GRIP1: variants seen among roughly 807,000 people sequenced by gnomAD.
The protein encoded by GRIP1 is glutamate receptor interacting protein 1.
Under a neutral mutation model 129.9 loss-of-function variants are expected in GRIP1, and 45 were observed. The observed-to-expected ratio is 0.35, with a 90% CI of 0.27 to 0.44. GRIP1 has a LOEUF of 0.44. Among genes scored for constraint, GRIP1 ranks in the 20% least tolerant of loss-of-function variants. The probability of loss-of-function intolerance (pLI) is 1.00; values close to 1 mark genes in which losing one functional copy is unlikely to be tolerated. For synonymous variants in GRIP1, 530 were observed against 520.8 expected (o/e 1.02, Z -0.24); for missense variants, 1,196 against 1,396.8 (o/e 0.86, Z 2.29).
At chr12:67,031,589 G>A (rs187237443) in intron 1 of GRIP1, among the ~76,000 whole-genome samples, 3 of 152,004 alleles carry the variant, frequency 2.0e-5, no homozygotes, top group East Asian at 3.9e-4. Flanking sequence ...ATAATTTACC[G>A]CACACTCCAC....
At position 66,846,246 on chromosome 12, in the gene GRIP1, T is replaced by C. The variant is rs549031330; in HGVS notation, c.58+222804A>G. The stretch of plus-strand genomic sequence containing the variant: ...GTTCTAAACTGTACATTTGATTGTC[T>C]CCTTGACATTTTCCCTTGAACATCT... On this transcript the variant is annotated intron_variant, in intron 1 of 1. Transcript: ENST00000643019. Among the ~76,000 whole-genome samples, 8 of 152,338 alleles carry C rather than the reference T, an allele frequency of 5.3e-5. No individual in the cohort carries two copies. In the South Asian group the frequency reaches 1.7e-3, roughly 32 times the overall value.
chr12:66,812,387 G>A (rs1181014719), intron 1 of GRIP1, among the ~76,000 whole-genome samples: 8 of 152,152 alleles, frequency 5.3e-5, no homozygotes, highest in Admixed American at 3.3e-4. Flanking sequence ...CGCCTGCCTC[G>A]GCCTCCCGAA....
At chr12:66,655,564 C>T (rs1329109780) in intron 1 of GRIP1, among the ~76,000 whole-genome samples, 1 of 151,036 alleles carries the variant, frequency 6.6e-6, no homozygotes, top group African/African-American at 2.4e-5. Flanking sequence ...TATAATGACA[C>T]GTATCCACCA....
intron 1 of GRIP1, among the ~76,000 whole-genome samples, chr12:66,838,752 T>A (rs2039662534): frequency 6.6e-6 from 1 of 152,060 alleles, no homozygotes; most frequent in Non-Finnish European, 1.5e-5. Flanking sequence ...CAGTGGTGAC[T>A]GGGCAAGAGA....
At chr12:66,730,554 A>C (rs2036400069) in intron 1 of GRIP1, among the ~76,000 whole-genome samples, 1 of 152,158 alleles carries the variant, frequency 6.6e-6, no homozygotes, top group Non-Finnish European at 1.5e-5. Flanking sequence ...AATTTCAAAA[A>C]TATATGTGAA....
intron 1 of GRIP1, among the ~76,000 whole-genome samples, chr12:67,032,956 T>C (rs1197917204): frequency 2.0e-5 from 3 of 152,124 alleles, no homozygotes; most frequent in Non-Finnish European, 4.4e-5. Flanking sequence ...TAATTTACAT[T>C]ATTTTTTCTT....
At chr12:66,481,264 A>G (rs1228640306) in intron 7 of GRIP1, among the ~76,000 whole-genome samples, 1 of 134,720 alleles carries the variant, frequency 7.4e-6, no homozygotes, top group Non-Finnish European at 1.7e-5. Context: ...AAAAAAAAGC[A>G]ACCCCATCAA....
At chr12:66,671,494 G>A (rs551868285) in intron 1 of GRIP1, among the ~76,000 whole-genome samples, 2 of 151,646 alleles carry the variant, frequency 1.3e-5, no homozygotes, top group Admixed American at 6.6e-5. Flanking sequence ...CCATGACCCC[G>A]CCCTCCACCC....
At chr12:66,822,672 TA>T (rs1362563618) in intron 1 of GRIP1, among the ~76,000 whole-genome samples, 4 of 152,012 alleles carry the variant, frequency 2.6e-5, no homozygotes, top group Non-Finnish European at 5.9e-5. Context: ...TATGCAGCCA[TA>T]AAAAAACCAA....
At chr12:66,651,939 T>C (rs1039571415) in intron 1 of GRIP1, among the ~76,000 whole-genome samples, 4 of 152,094 alleles carry the variant, frequency 2.6e-5, no homozygotes, top group Non-Finnish European at 5.9e-5. Context: ...GTTTTCTCAG[T>C]GGAGGTTGTG....
intron 1 of GRIP1, among the ~76,000 whole-genome samples, chr12:67,050,352 T>G (rs866666719): frequency 2.0e-5 from 3 of 150,802 alleles, no homozygotes; most frequent in Non-Finnish European, 2.9e-5. Flanking sequence ...AAAAACAAAA[T>G]AATTAGATTG....
intron 1 of GRIP1, among the ~76,000 whole-genome samples, chr12:66,645,324 G>A (rs1284482152): frequency 6.6e-6 from 1 of 152,152 alleles, no homozygotes; most frequent in African/African-American, 2.4e-5. Flanking sequence ...CAGACCTTAG[G>A]TCGCCTGACC....
At chr12:66,529,745 T>C in intron 5 of GRIP1, 86 bp downstream of exon 5, 1 of 825,826 alleles carries the variant, frequency 1.2e-6, no homozygotes, top group Admixed American at 1.7e-5. Context: ...AACTTATTCA[T>C]GTAACCAAAT....
intron 1 of GRIP1, among the ~76,000 whole-genome samples, chr12:66,637,376 T>C (rs2031495747): frequency 6.6e-6 from 1 of 151,348 alleles, no homozygotes; most frequent in Admixed American, 6.6e-5. Context: ...CATGTGAATG[T>C]CTTCTTTTGT....
At chr12:66,593,925 G>C (rs2139734571) in intron 2 of GRIP1, among the ~76,000 whole-genome samples, 1 of 152,004 alleles carries the variant, frequency 6.6e-6, no homozygotes, top group Admixed American at 6.6e-5. Context: ...AAAATTAGCT[G>C]GGTGTGGTGG....
chr12:66,377,249 T>G lies in GRIP1; in HGVS notation c.2658A>C (p.Gln886His). The part of the protein sequence containing the change: ...AGAADSAETE[Q>H]EENFWSQALE... ...GCGCTTGAGACCAGAAGTTCTCCTCTTGTTCTGTCTCTGCACTATCGGCAG... is the reference window on the plus strand; with the variant it reads ...GCGCTTGAGACCAGAAGTTCTCCTCGTGTTCTGTCTCTGCACTATCGGCAG... The change falls in exon 21 of 25, where the codon CAA (glutamine) becomes CAC (histidine). Residue 886 changes from glutamine (Q) to histidine (H), a missense_variant. Transcript: ENST00000359742. The G allele has an allele frequency of 6.2e-7, 1 of 1,613,820 alleles. No homozygotes were observed. Among genetic ancestry groups the G allele is most frequent in the Non-Finnish European group, 8.5e-7 (1 of 1,179,696 alleles).
intron 1 of GRIP1, among the ~76,000 whole-genome samples, chr12:66,687,600 T>A (rs1051210882): frequency 5.9e-5 from 9 of 152,164 alleles, no homozygotes; most frequent in African/African-American, 1.9e-4. Flanking sequence ...TAACTCACAA[T>A]ACTAAACATG....
At chr12:66,614,116 C>T (rs895061006) in intron 1 of GRIP1, among the ~76,000 whole-genome samples, 1 of 152,072 alleles carries the variant, frequency 6.6e-6, no homozygotes, top group Non-Finnish European at 1.5e-5. Flanking sequence ...CTTTTTCAGA[C>T]CTATAAATAA....
At chr12:66,851,806 G>A (rs369212119) in intron 1 of GRIP1, among the ~76,000 whole-genome samples, 38 of 152,142 alleles carry the variant, frequency 2.5e-4, no homozygotes, top group African/African-American at 9.1e-4. Flanking sequence ...TTTTAAAGGT[G>A]TTTCTTCTTT....
Sources: gnomAD v4.1 joint callset for allele counts (sites outside exome capture counted in the v4.1 genomes callset) on GRCh38, gnomAD v4.1.1 for gene constraint, MANE v1.5 for transcripts, NCBI Gene and HGNC (gene_info 2026-07-23, HGNC 2026-07-21) for gene names.